SLC27A6: variants seen among roughly 807,000 people sequenced by gnomAD.
The protein encoded by SLC27A6 is long-chain fatty acid transport protein 6.
A neutral mutation model predicts 63.9 loss-of-function variants in SLC27A6; 74 were observed. The ratio of observed to expected loss-of-function variants is 1.16; its 90% CI spans 0.96 to 1.40. The LOEUF is 1.40. Ranked by LOEUF, SLC27A6 falls within the 40% of genes most tolerant of loss-of-function variation. The pLI, the probability that SLC27A6 is intolerant of heterozygous loss-of-function variation, is 0.00. For missense variants in SLC27A6, 794 were observed against 732.9 expected (o/e 1.08, Z -0.96); for synonymous variants, 287 against 260.8 (o/e 1.10, Z -0.97).
intron 1 of SLC27A6, among the ~76,000 whole-genome samples, chr5:128,980,716 A>G (rs941442614): frequency 1.3e-5 from 2 of 152,228 alleles, no homozygotes; most frequent in African/African-American, 4.8e-5. Context: ...ATGGGAAGCT[A>G]AAGTTAACCA....
intron 1 of SLC27A6, among the ~76,000 whole-genome samples, chr5:128,972,727 C>G (rs545696328): frequency 6.6e-6 from 1 of 152,132 alleles, no homozygotes; most frequent in East Asian, 1.9e-4. Flanking sequence ...CCCTTTAGCT[C>G]GGAGAAGTTT....
At chr5:129,016,695 G>A (rs987639412) in intron 5 of SLC27A6, among the ~76,000 whole-genome samples, 4 of 151,592 alleles carry the variant, frequency 2.6e-5, no homozygotes, top group South Asian at 2.1e-4. Flanking sequence ...GACTCTTTCC[G>A]TATATATTAA....
chr5:128,987,097 A>G (rs1442404646), intron 2 of SLC27A6, among the ~76,000 whole-genome samples: 3 of 152,168 alleles, frequency 2.0e-5, no homozygotes, highest in Non-Finnish European at 4.4e-5. Flanking sequence ...CAGAGGTTTA[A>G]AAAGTAGGGG....
chr5:129,029,153 T>A (rs569362350), intron 8 of SLC27A6, among the ~76,000 whole-genome samples: 1 of 152,170 alleles, frequency 6.6e-6, no homozygotes, highest in South Asian at 2.1e-4. Context: ...TGGAATCAAT[T>A]ATGGAAATAC....
At chr5:128,999,187 G>A (rs72799313) in intron 4 of SLC27A6, among the ~76,000 whole-genome samples, 5,414 of 152,132 alleles carry the variant, frequency 0.036, 141 homozygotes, top group South Asian at 0.057. Flanking sequence ...ACTAGAACAC[G>A]GGGTGCTCTC....
At chr5:129,013,521 G>A (rs1751793719) in intron 4 of SLC27A6, among the ~76,000 whole-genome samples, 1 of 152,000 alleles carries the variant, frequency 6.6e-6, no homozygotes, top group Non-Finnish European at 1.5e-5. Context: ...AAATATTCAT[G>A]TTGCCCCTTT....
intron 8 of SLC27A6, 88 bp downstream of exon 8, chr5:129,028,530 T>C: frequency 1.3e-6 from 1 of 777,300 alleles, no homozygotes; most frequent in Non-Finnish European, 2.1e-6. Context: ...TAATTCAACA[T>C]TTTAATTTTT....
At chr5:128,998,488 G>T (rs537660329) in intron 4 of SLC27A6, among the ~76,000 whole-genome samples, 1 of 151,474 alleles carries the variant, frequency 6.6e-6, no homozygotes, top group Admixed American at 6.6e-5. Flanking sequence ...CATATAAATA[G>T]ATCATGATCA....
intron 1 of SLC27A6, among the ~76,000 whole-genome samples, chr5:128,976,847 C>T (rs2526255): frequency 1.4e-4 from 21 of 151,870 alleles, no homozygotes; most frequent in African/African-American, 3.9e-4. Flanking sequence ...GAAAGAGTTC[C>T]GGGTAATTGA....
rs118175590 is a variant in SLC27A6, at chr5:129,016,614, C to T, written c.1164+535C>T. On this transcript the variant is annotated intron_variant, in intron 5 of 9. Transcript: ENST00000262462. ...TCTCTCTCATATCACCATAATGATG[C>T]CTTTTCTTGTTCTGTTTCCAAATTT... Among the ~76,000 whole-genome samples, 1,135 of 151,544 alleles carry T rather than the reference C, an allele frequency of 7.5e-3. 59 individuals are homozygous for T. The highest frequency in any genetic ancestry group is 0.059 in the Admixed American group (894 of 15,188).
In SLC27A6 at chr5:129,024,105, A is replaced by G. The variant is rs1752162509; in HGVS notation, c.1255+395A>G. 2.0e-5 allele frequency among the ~76,000 whole-genome samples: 3 copies of G among 152,082 alleles called. 1 individual carries two copies. The highest frequency in any genetic ancestry group is 7.2e-5 in the African/African-American group (3 of 41,432). ...TATTAGTGAATTTAAAAAGGAGAGG[A>G]TGACTAGGTCCACTGTATAATTTAA... On this transcript the variant is annotated intron_variant, in intron 6 of 9. Transcript: ENST00000262462.
intron 6 of SLC27A6, among the ~76,000 whole-genome samples, chr5:129,024,404 T>G (rs931623666): frequency 6.6e-6 from 1 of 152,144 alleles, no homozygotes; most frequent in African/African-American, 2.4e-5. Flanking sequence ...CACTTAGAAA[T>G]GGTGCAACTT....
At chr5:129,021,227 T>C (rs1053108663) in intron 5 of SLC27A6, among the ~76,000 whole-genome samples, 1 of 150,654 alleles carries the variant, frequency 6.6e-6, no homozygotes, top group Non-Finnish European at 1.5e-5. Flanking sequence ...CTATTAAGAA[T>C]GACATTCCAA....
At chr5:128,994,839 C>A (rs1195578519) in intron 4 of SLC27A6, among the ~76,000 whole-genome samples, 2 of 152,186 alleles carry the variant, frequency 1.3e-5, no homozygotes, top group East Asian at 1.9e-4. Context: ...TGGCCAGAAG[C>A]ATTTATCCTT....
chr5:128,976,312 C>G (rs767606375), intron 1 of SLC27A6, among the ~76,000 whole-genome samples: 4 of 152,122 alleles, frequency 2.6e-5, no homozygotes, highest in African/African-American at 9.7e-5. Flanking sequence ...AGTTCGAGAC[C>G]AGTCTGACCA....
Position 129,033,197 on chromosome 5 carries a change from A to G in SLC27A6, c.1775A>G (p.Tyr592Cys). Residue 592 changes from tyrosine (Y) to cysteine (C), a missense_variant, in exon 10 of 10, where the codon TAC (tyrosine) becomes TGC (cysteine). Transcript: ENST00000262462. ...CCACTGAAAATTTCTGAACCACTTT[A>G]CTTCATGGATAACTTGAAAAAGTCT... ...FNPLKISEPL[Y>C]FMDNLKKSYV... The G allele has an allele frequency of 6.2e-7, 1 of 1,606,694 alleles. No individual in the cohort carries two copies.
In SLC27A6 at chr5:128,985,192, G is replaced by A. The variant is rs759963519; in HGVS notation, c.541G>A (p.Gly181Arg). 21 of 1,613,956 alleles carry A rather than the reference G, an allele frequency of 1.3e-5. No homozygotes were observed. The highest frequency in any genetic ancestry group is 5.5e-5 in the South Asian group (5 of 91,072). ...PSLSENISVW[G>R]MKDSVPQGVI... ...CCTCTCAGAAAATATCAGTGTTTGGGGGATGAAAGATTCTGTTCCACAAGG... is the reference window on the plus strand; with the variant it reads ...CCTCTCAGAAAATATCAGTGTTTGGAGGATGAAAGATTCTGTTCCACAAGG... The change falls in exon 2 of 10, where the codon GGG becomes AGG. Residue 181 changes from glycine (G) to arginine (R), a missense_variant. By Grantham distance (125) the Gly-to-Arg change is moderately radical. Transcript: ENST00000262462.
At chr5:128,969,839 G>T (rs1433529556) in intron 1 of SLC27A6, among the ~76,000 whole-genome samples, 1 of 152,102 alleles carries the variant, frequency 6.6e-6, no homozygotes, top group Non-Finnish European at 1.5e-5. Context: ...CCTGTCTTGT[G>T]CCAGTTTTCA....
At chr5:128,986,971 CTT>C (rs2150134963) in intron 2 of SLC27A6, among the ~76,000 whole-genome samples, 1 of 152,198 alleles carries the variant, frequency 6.6e-6, no homozygotes, top group African/African-American at 2.4e-5. Context: ...AAGCAGGAAA[CTT>C]TATGGGAAGT....
Sources: gnomAD v4.1 joint callset for allele counts (sites outside exome capture counted in the v4.1 genomes callset) on GRCh38, gnomAD v4.1.1 for gene constraint, MANE v1.5 for transcripts, NCBI Gene and HGNC (gene_info 2026-07-23, HGNC 2026-07-21) for gene names.